Variants in PGM2 observed in about 807,000 individuals in gnomAD.
PGM2 encodes the protein phosphopentomutase.
PGM2 carries 57 observed loss-of-function variants against 74.6 expected under a neutral mutation model. The ratio of observed to expected loss-of-function variants is 0.76; its 90% CI spans 0.62 to 0.95. The LOEUF (loss-of-function observed/expected upper bound fraction) is 0.95, where lower values mean the gene tolerates loss of function less well. Among genes scored for constraint, PGM2 ranks in the 40% least tolerant of loss-of-function variants. The probability of loss-of-function intolerance (pLI) is 0.00; values close to 1 mark genes in which losing one functional copy is unlikely to be tolerated. For synonymous variants in PGM2, 273 were observed against 260.7 expected (o/e 1.05, Z -0.46); for missense variants, 706 against 741.9 (o/e 0.95, Z 0.56).
chr4:37,834,817 A>G, intron 3 of PGM2, 93 bp downstream of exon 3: 1 of 610,238 alleles, frequency 1.6e-6, no homozygotes, highest in East Asian at 2.9e-5. Flanking sequence ...TAATATATTC[A>G]TTAGCCTCAT....
intron 6 of PGM2, 152 bp from the exon 7 acceptor site, chr4:37,844,212 A>AGT (rs1553886221): frequency 2.6e-5 from 13 of 499,842 alleles, no homozygotes; most frequent in Non-Finnish European, 4.4e-5. Flanking sequence ...TGAGGGAAGG[A>AGT]ATATATATAT....
intron 3 of PGM2, among the ~76,000 whole-genome samples, chr4:37,836,862 G>GGTGGGTGT (rs1553885670): frequency 6.6e-6 from 1 of 150,416 alleles, no homozygotes; most frequent in Non-Finnish European, 1.5e-5. Flanking sequence ...TATGTGTATG[G>GGTGGGTGT]GTGTGTGTGT....
At chr4:37,834,071 A>C (rs576593881) in intron 2 of PGM2, among the ~76,000 whole-genome samples, 1 of 152,278 alleles carries the variant, frequency 6.6e-6, no homozygotes, top group South Asian at 2.1e-4. Flanking sequence ...GCAGTGGCCC[A>C]CACCTGTAAT....
intron 1 of PGM2, among the ~76,000 whole-genome samples, chr4:37,828,402 C>T (rs1272281181): frequency 6.7e-6 from 1 of 149,984 alleles, no homozygotes; most frequent in Non-Finnish European, 1.5e-5. Flanking sequence ...TTCTTCTTTG[C>T]TTTGAGACTG....
In PGM2 at chr4:37,840,714, C is replaced by G. The variant is rs1212862152; in HGVS notation, c.719+455C>G. Among the ~76,000 whole-genome samples, 5 of 152,120 alleles carry G rather than the reference C, an allele frequency of 3.3e-5. No individual in the cohort carries two copies. The East Asian group carries it at 5.8e-4, about 18-fold the overall frequency. On this transcript the variant is annotated intron_variant, in intron 6 of 13. Transcript: ENST00000381967. ...GCATCTGATTTTAGAGGCTGTAGATCAAGCCTTGGCAAACTTTTCTTAAAG... is the reference window on the plus strand; with the variant it reads ...GCATCTGATTTTAGAGGCTGTAGATGAAGCCTTGGCAAACTTTTCTTAAAG...
chr4:37,834,248 A>T (rs996789084), intron 2 of PGM2, among the ~76,000 whole-genome samples: 4 of 151,532 alleles, frequency 2.6e-5, no homozygotes, highest in African/African-American at 9.7e-5. Context: ...GTAGGGGGGG[A>T]TTGCTTAAAC....
chr4:37,853,224 A>G (rs1726100193), intron 12 of PGM2, among the ~76,000 whole-genome samples: 1 of 152,060 alleles, frequency 6.6e-6, no homozygotes. Flanking sequence ...TGCAGCCTTG[A>G]TCTCCTGGGC....
chr4:37,830,179 C>T (rs888015212), intron 2 of PGM2, 48 bp downstream of exon 2: 35 of 1,322,810 alleles, frequency 2.6e-5, no homozygotes, highest in Non-Finnish European at 3.6e-5. Context: ...TCCCCTAGCT[C>T]ATTTTCTATT....
At chr4:37,844,722 C>G (rs536084510) in intron 7 of PGM2, among the ~76,000 whole-genome samples, 169 bp downstream of exon 7, 1 of 152,256 alleles carries the variant, frequency 6.6e-6, no homozygotes, top group Admixed American at 6.5e-5. Flanking sequence ...AATCCCAGCA[C>G]TTTGGGAGAC....
chr4:37,859,086 T>G (rs1354771917), intron 13 of PGM2, among the ~76,000 whole-genome samples: 1 of 152,184 alleles, frequency 6.6e-6, no homozygotes, highest in African/African-American at 2.4e-5. Context: ...GAACCACAGT[T>G]TGTTGACCCC....
intron 13 of PGM2, among the ~76,000 whole-genome samples, chr4:37,860,565 A>G (rs1161312475): frequency 1.3e-5 from 2 of 152,250 alleles, no homozygotes; most frequent in Non-Finnish European, 2.9e-5. Context: ...TGCTTTAGCT[A>G]TTACAGTACT....
At chr4:37,839,045 A>G (rs558370134) in intron 4 of PGM2, among the ~76,000 whole-genome samples, 10 of 152,096 alleles carry the variant, frequency 6.6e-5, no homozygotes, top group African/African-American at 2.4e-4. Flanking sequence ...AAGTTGAAAT[A>G]TAAATATTTA....
intron 1 of PGM2, among the ~76,000 whole-genome samples, chr4:37,828,916 G>T (rs549537072): frequency 4.6e-5 from 7 of 152,264 alleles, no homozygotes; most frequent in African/African-American, 1.7e-4. Context: ...AAAAAGATGG[G>T]GTTTACTTGA....
chr4:37,841,962 G>C (rs1725742011), intron 6 of PGM2, among the ~76,000 whole-genome samples: 1 of 152,230 alleles, frequency 6.6e-6, no homozygotes, highest in Non-Finnish European at 1.5e-5. Flanking sequence ...AAATATACCA[G>C]TTGGTGCTCC....
intron 10 of PGM2, 144 bp from the exon 11 acceptor site, chr4:37,848,378 T>C: frequency 1.6e-6 from 1 of 640,452 alleles, no homozygotes; most frequent in Non-Finnish European, 2.5e-6. Flanking sequence ...GGCACTGGGC[T>C]AAATTCCTAA....
chr4:37,845,149 A>G (rs1420152623), intron 7 of PGM2, among the ~76,000 whole-genome samples: 5 of 152,174 alleles, frequency 3.3e-5, no homozygotes, highest in Non-Finnish European at 5.9e-5. Flanking sequence ...TAATGCCAAA[A>G]AGAAGCAGTA....
intron 10 of PGM2, among the ~76,000 whole-genome samples, chr4:37,848,087 A>G (rs376177408): frequency 1.8e-4 from 28 of 152,318 alleles, no homozygotes; most frequent in African/African-American, 5.8e-4. Flanking sequence ...CAGTGACTCT[A>G]AAAGAAATGG....
intron 2 of PGM2, among the ~76,000 whole-genome samples, chr4:37,830,992 A>G (rs1190221298): frequency 6.6e-6 from 1 of 152,062 alleles, no homozygotes; most frequent in African/African-American, 2.4e-5. Flanking sequence ...CTAGGAGTTC[A>G]TGACCAGCCT....
chr4:37,841,100 A>ATATATATGTGTGTG (rs1202149456), intron 6 of PGM2, among the ~76,000 whole-genome samples: 63 of 115,744 alleles, frequency 5.4e-4, no homozygotes, highest in African/African-American at 2.2e-3. Flanking sequence ...ATATATATAT[A>ATATATATGTGTGTG]TGTGTGTGTG....
Sources: gnomAD v4.1 joint callset for allele counts (sites outside exome capture counted in the v4.1 genomes callset) on GRCh38, gnomAD v4.1.1 for gene constraint, MANE v1.5 for transcripts, NCBI Gene and HGNC (gene_info 2026-07-23, HGNC 2026-07-21) for gene names.